The following RGS7 variants were observed in gnomAD, a reference collection of about 807,000 sequenced individuals.
RGS7 encodes regulator of G-protein signaling 7.
In RGS7, 27 loss-of-function variants were observed where a neutral mutation model predicts 81.1. That is an observed-to-expected ratio of 0.33 (90% confidence interval 0.25 to 0.46). The LOEUF (loss-of-function observed/expected upper bound fraction) is 0.46. Among genes scored for constraint, RGS7 ranks in the 20% least tolerant of loss-of-function variants. The pLI is 1.00. For missense variants in RGS7, 396 were observed against 607.4 expected (o/e 0.65, Z 3.66); for synonymous variants, 208 against 207.7 (o/e 1.00, Z -0.01).
chr1:241,291,712 G>C (rs2079100665), intron 2 of RGS7, among the ~76,000 whole-genome samples: 1 of 151,848 alleles, frequency 6.6e-6, no homozygotes, highest in Non-Finnish European at 1.5e-5. Context: ...CCGAGTAGCT[G>C]AGACTACAGG....
chr1:241,201,801 G>C (rs1014677802), intron 2 of RGS7, among the ~76,000 whole-genome samples: 6 of 152,044 alleles, frequency 3.9e-5, no homozygotes, highest in African/African-American at 7.2e-5. Context: ...GTTCACCCGA[G>C]GTCTTACTAA....
At chr1:241,085,501 T>A (rs1177521569) in intron 3 of RGS7, among the ~76,000 whole-genome samples, 2 of 152,194 alleles carry the variant, frequency 1.3e-5, no homozygotes, top group African/African-American at 4.8e-5. Flanking sequence ...CTTGGCTCAC[T>A]GCAACCTCCG....
At chr1:241,145,930 C>G (rs1003942371) in intron 2 of RGS7, among the ~76,000 whole-genome samples, 2 of 152,100 alleles carry the variant, frequency 1.3e-5, no homozygotes, top group East Asian at 1.9e-4. Context: ...GAGGAAGATA[C>G]AAGATAAGAT....
intron 2 of RGS7, among the ~76,000 whole-genome samples, chr1:241,201,799 G>A (rs941625831): frequency 1.3e-5 from 2 of 152,026 alleles, no homozygotes; most frequent in African/African-American, 2.4e-5. Context: ...TGGTTCACCC[G>A]AGGTCTTACT....
chr1:241,230,345 C>G (rs1375675968), intron 2 of RGS7, among the ~76,000 whole-genome samples: 1 of 152,084 alleles, frequency 6.6e-6, no homozygotes, highest in Non-Finnish European at 1.5e-5. Flanking sequence ...TCCTGAGTAG[C>G]TGGGACTACA....
intron 2 of RGS7, among the ~76,000 whole-genome samples, chr1:241,350,669 A>G (rs967417743): frequency 1.3e-5 from 2 of 150,118 alleles, no homozygotes; most frequent in Non-Finnish European, 2.9e-5. Context: ...GCTACTCAGA[A>G]GGCTAAAGCA....
chr1:240,801,157 A>T (rs74151836), intron 17 of RGS7, among the ~76,000 whole-genome samples: 6,574 of 152,258 alleles, frequency 0.043, 154 homozygotes, highest in East Asian at 0.11. Context: ...GAATACAAGG[A>T]ATAAAAATAA....
intron 2 of RGS7, among the ~76,000 whole-genome samples, chr1:241,179,037 C>T (rs2071387032): frequency 6.6e-6 from 1 of 151,992 alleles, no homozygotes; most frequent in Non-Finnish European, 1.5e-5. Flanking sequence ...ATTGTAAGCT[C>T]TATCATGGTG....
chr1:241,301,497 T>C (rs111465296), intron 2 of RGS7, among the ~76,000 whole-genome samples: 2 of 152,140 alleles, frequency 1.3e-5, no homozygotes, highest in Non-Finnish European at 2.9e-5. Flanking sequence ...TGGTTAAGGG[T>C]TATGGAGGTC....
intron 4 of RGS7, among the ~76,000 whole-genome samples, chr1:240,945,320 C>A (rs1200962096): frequency 6.6e-6 from 1 of 152,164 alleles, no homozygotes; most frequent in Non-Finnish European, 1.5e-5. Flanking sequence ...TCAAGGGCTG[C>A]TATAGTATAG....
chr1:241,187,378 C>T (rs1245020052), intron 2 of RGS7, among the ~76,000 whole-genome samples: 1 of 152,072 alleles, frequency 6.6e-6, no homozygotes, highest in African/African-American at 2.4e-5. Context: ...TTCAATGCTA[C>T]ATTGCTAGTT....
intron 18 of RGS7, among the ~76,000 whole-genome samples, chr1:240,787,509 G>A (rs1264465791): frequency 6.6e-6 from 1 of 152,130 alleles, no homozygotes; most frequent in Admixed American, 6.6e-5. Context: ...AACAAACAAT[G>A]ACCTTCAAAG....
intron 6 of RGS7, among the ~76,000 whole-genome samples, chr1:240,915,827 GA>G (rs1188020543): frequency 6.6e-6 from 1 of 151,630 alleles, no homozygotes. Context: ...TGAAATTCAA[GA>G]AATAAAAAAC....
rs1303137352 is a variant in RGS7, at chr1:240,827,188, CAG to C, written c.610-18_610-17del. The C allele has an allele frequency of 1.3e-6, 2 of 1,595,442 alleles. No individual in the cohort carries two copies. On this transcript the variant is annotated splice_polypyrimidine_tract_variant and intron_variant, in intron 9 of 18. Coordinates refer to ENST00000440928, the MANE Select transcript of RGS7 (RefSeq NM_001364886.1). ...CACATCCAGGCTGGGAATGGAAAAA[CAG>C]AGAGACAAATGAATCTTTGGGTGTG...
intron 9 of RGS7, among the ~76,000 whole-genome samples, chr1:240,831,673 T>C (rs759514651): frequency 1.3e-4 from 19 of 151,404 alleles, no homozygotes; most frequent in Admixed American, 1.3e-3. Context: ...TTCACTCTTG[T>C]TGCCCAGGCT....
intron 4 of RGS7, among the ~76,000 whole-genome samples, chr1:240,953,263 T>A (rs545354744): frequency 1.3e-5 from 2 of 152,050 alleles, no homozygotes; most frequent in South Asian, 2.1e-4. Flanking sequence ...GACATTTATA[T>A]AATGTTCTAT....
chr1:240,796,959 A>C (rs1489907954), intron 18 of RGS7, among the ~76,000 whole-genome samples: 2 of 152,240 alleles, frequency 1.3e-5, no homozygotes, highest in Non-Finnish European at 2.9e-5. Flanking sequence ...AAATATTTTC[A>C]AAAAGAGATA....
Position 241,232,996 on chromosome 1 carries a change from A to G in RGS7, c.78+122703T>C, listed in dbSNP as rs112833868. On this transcript the variant is annotated intron_variant, in intron 2 of 18. Transcript: ENST00000440928. ...TGGCTTATATAAAAAAAATCTTATA[A>G]TCTTTTTACAGGAATCATATGGTGA... Among the ~76,000 whole-genome samples the G allele has an allele frequency of 1.9e-3, 296 of 152,292 alleles. 2 individuals are homozygous for G. Among genetic ancestry groups the G allele is most frequent in the African/African-American group, 6.7e-3 (278 of 41,560 alleles).
intron 2 of RGS7, among the ~76,000 whole-genome samples, chr1:241,168,417 T>C (rs1315365067): frequency 1.3e-5 from 2 of 152,158 alleles, no homozygotes; most frequent in Admixed American, 6.5e-5. Flanking sequence ...CTCTGGGAAA[T>C]TGGAAATATA....
Sources: gnomAD v4.1 joint callset for allele counts (sites outside exome capture counted in the v4.1 genomes callset) on GRCh38, gnomAD v4.1.1 for gene constraint, MANE v1.5 for transcripts, NCBI Gene and HGNC (gene_info 2026-07-23, HGNC 2026-07-21) for gene names.